TMPRSS13: variants seen among roughly 807,000 people sequenced by gnomAD.
The protein encoded by TMPRSS13 is transmembrane serine protease 13, also known as transmembrane protease serine 13.
Under a neutral mutation model 68.4 loss-of-function variants are expected in TMPRSS13, and 50 were observed. The observed-to-expected ratio is 0.73, with a 90% confidence interval of 0.58 to 0.93. The LOEUF is 0.93. TMPRSS13 is among the 40% of genes least tolerant of loss of function. TMPRSS13 has a pLI of 0.00. For synonymous variants in TMPRSS13, 267 were observed against 285.8 expected, an observed-to-expected ratio of 0.93 and a Z score of 0.66; for missense variants, 615 against 729.2, an observed-to-expected ratio of 0.84 and a Z score of 1.80.
chr11:117,909,468 A>G (rs2057497716), intron 8 of TMPRSS13, among the ~76,000 whole-genome samples: 1 of 152,200 alleles, frequency 6.6e-6, no homozygotes, highest in African/African-American at 2.4e-5. Context: ...CTCCTCTGCT[A>G]TGAGTTCCAT....
Position 117,914,375 on chromosome 11 carries a change from G to T in TMPRSS13, c.679+17C>A. 6.2e-7 allele frequency: 1 copy of T among 1,612,360 alleles called. No homozygotes were observed. Reference sequence around the variant, plus strand: ...CACATGCACACGCACGCGCTCCCCCGCACCCAGCCTCCTTACCGCAGCCCA... The same window carrying T: ...CACATGCACACGCACGCGCTCCCCCTCACCCAGCCTCCTTACCGCAGCCCA... On this transcript the variant is annotated intron_variant, in intron 4 of 12. Coordinates refer to ENST00000524993, the MANE Select transcript of TMPRSS13 (RefSeq NM_001077263.3). This position sits in a 1 kb window ranked among gnomAD's most constrained non-coding sequence, Gnocchi z 4.2.
At chr11:117,908,529 G>C (rs1277002980) in intron 9 of TMPRSS13, 83 bp downstream of exon 9, 6 of 1,477,290 alleles carry the variant, frequency 4.1e-6, no homozygotes, top group Non-Finnish European at 5.5e-6. Flanking sequence ...CCGGATATGA[G>C]TTGACAGATG....
At chr11:117,911,400 C>T (rs141265817) in intron 6 of TMPRSS13, among the ~76,000 whole-genome samples, 1 of 152,244 alleles carries the variant, frequency 6.6e-6, no homozygotes, top group East Asian at 1.9e-4. Context: ...TGCAAAGTGT[C>T]ATGCCAGGGT....
At chr11:117,909,050 C>A (rs534216232) in intron 8 of TMPRSS13, among the ~76,000 whole-genome samples, 15 of 152,254 alleles carry the variant, frequency 9.9e-5, no homozygotes, top group South Asian at 4.1e-4. Context: ...ACTCCCCCCC[C>A]ACTATCTCCT....
intron 2 of TMPRSS13, 80 bp from the exon 3 acceptor site, chr11:117,917,354 G>A (rs545981359): frequency 1.7e-6 from 2 of 1,186,022 alleles, no homozygotes; most frequent in Admixed American, 2.0e-5. Flanking sequence ...AAACAAGACT[G>A]TGGCCCAGGA....
chr11:117,902,491 C>T (rs2057417462), intron 12 of TMPRSS13, among the ~76,000 whole-genome samples: 1 of 152,222 alleles, frequency 6.6e-6, no homozygotes, highest in South Asian at 2.1e-4. Context: ...TCCCCTGTTC[C>T]CCAGGCAGAG....
intron 1 of TMPRSS13, among the ~76,000 whole-genome samples, chr11:117,927,641 G>C (rs1010097777): frequency 2.0e-5 from 3 of 152,158 alleles, no homozygotes; most frequent in Non-Finnish European, 4.4e-5. Context: ...CCCTCAAGGA[G>C]AAGGCACAAG....
chr11:117,920,023 C>T (rs751435195), intron 1 of TMPRSS13, among the ~76,000 whole-genome samples: 13 of 152,210 alleles, frequency 8.5e-5, no homozygotes, highest in Non-Finnish European at 1.5e-4. Flanking sequence ...TCTTGTGATA[C>T]TTTCCAGTGT....
Position 117,917,265 on chromosome 11 carries a change from A to C in TMPRSS13, c.461T>G (p.Leu154Arg). Residue 154 changes from leucine to arginine, a missense_variant, in exon 3 of 13, where the codon CTG (leucine) becomes CGG (arginine). Leu to Arg is a moderately radical substitution (Grantham distance 102). Coordinates refer to ENST00000524993, the MANE Select transcript of TMPRSS13 (RefSeq NM_001077263.3). Reference sequence around the variant, plus strand: ...GCCCTCCCGCCAGGTGAACTTGGGCAGGCTCGTACCTAGGAGCAGGGCGGC... The same window carrying C: ...GCCCTCCCGCCAGGTGAACTTGGGCCGGCTCGTACCTAGGAGCAGGGCGGC... ...RATRESPGTSLPKFTWREGQK... is the reference protein window; with the variant it reads ...RATRESPGTSRPKFTWREGQK... 2 of 1,612,132 alleles carry C rather than the reference A, an allele frequency of 1.2e-6. No individual in the cohort carries two copies. The highest frequency in any genetic ancestry group is 1.7e-6 in the Non-Finnish European group (2 of 1,179,896).
intron 1 of TMPRSS13, among the ~76,000 whole-genome samples, chr11:117,928,912 CA>C (rs2057732700): frequency 6.6e-6 from 1 of 152,122 alleles, no homozygotes; most frequent in Non-Finnish European, 1.5e-5. Context: ...TTTGATTTTC[CA>C]ACCAGCAAAA....
chr11:117,921,480 A>G (rs4938456), intron 1 of TMPRSS13, among the ~76,000 whole-genome samples: 150,287 of 152,304 alleles, frequency 0.99, 74,174 homozygotes, highest in East Asian at 1. Flanking sequence ...ACCTGAACAG[A>G]ACCCTCCCAT....
chr11:117,914,085 C>T lies in TMPRSS13; in HGVS notation c.680-179G>A, dbSNP rs1207294347. ...GGGGGTTAACCAGTACTCAGAAGCC[C>T]AGGATGCCTAGCATGGACAGAGCCA... is the stretch of plus-strand genomic sequence containing the variant. On this transcript the variant is annotated intron_variant, in intron 4 of 12. Transcript: ENST00000524993. This position sits in a 1 kb window ranked among gnomAD's most constrained non-coding sequence, Gnocchi z 4.2. Among the ~76,000 whole-genome samples the T allele has an allele frequency of 6.6e-6, 1 of 152,114 alleles. No individual in the cohort carries two copies. The highest frequency in any genetic ancestry group is 1.5e-5 in the Non-Finnish European group (1 of 68,018).
In TMPRSS13 at chr11:117,915,183, G is replaced by A. The variant is rs2057564489; in HGVS notation, c.557-669C>T. The stretch of plus-strand genomic sequence containing the variant: ...GGGCTAAAAGAAAACAGCTTTACAA[G>A]CCATATGTGCAAATCTGCTTCACGA... On this transcript the variant is annotated intron_variant, in intron 3 of 12. Transcript: ENST00000524993. The surrounding 1 kb of genome is among the most constrained non-coding windows in gnomAD (Gnocchi z 4.9). Among the ~76,000 whole-genome samples, 1 of 152,168 alleles carries A rather than the reference G, an allele frequency of 6.6e-6. No individual in the cohort carries two copies. The highest frequency in any genetic ancestry group is 6.5e-5 in the Admixed American group (1 of 15,280).
In TMPRSS13 at chr11:117,904,861, TTATATATATATA is replaced by T. The variant is rs58001868; in HGVS notation, c.1381+765_1382-761del. Among the ~76,000 whole-genome samples, 335 of 100,712 alleles carry T rather than the reference TTATATATATATA, an allele frequency of 3.3e-3. 9 individuals carry two copies. The highest frequency in any genetic ancestry group is 7.5e-3 in the South Asian group (23 of 3,080). 66.1% of individuals were successfully genotyped at this position (100,712 alleles called of 152,430 possible). On this transcript the variant is annotated intron_variant, in intron 10 of 12. Coordinates refer to ENST00000524993, the MANE Select transcript of TMPRSS13 (RefSeq NM_001077263.3). The stretch of plus-strand genomic sequence containing the variant: ...TACCACTTAGAGCTCCTAGATAAGA[TTATATATATATA>T]TATATATATATATATATATATATAT...
In TMPRSS13 at chr11:117,914,464, T is replaced by C; in HGVS notation, c.607A>G (p.Ser203Gly). 2 of 1,613,924 alleles carry C rather than the reference T, an allele frequency of 1.2e-6. No individual in the cohort carries two copies. The highest frequency in any genetic ancestry group is 2.7e-5 in the African/African-American group (2 of 74,966). Residue 203 changes from serine (S) to glycine (G), a missense_variant, in exon 4 of 13, where the codon AGC (serine) becomes GGC (glycine). Ser to Gly is a moderately conservative substitution (Grantham distance 56, BLOSUM62 0). Coordinates refer to ENST00000524993, the MANE Select transcript of TMPRSS13 (RefSeq NM_001077263.3). The surrounding 1 kb of genome is among the most constrained non-coding windows in gnomAD (Gnocchi z 4.2). The part of the protein sequence containing the change: ...TGIRYKEQRE[S>G]CPKHAVRCDG... ...CAGCGAACAGCGTGCTTGGGACAGC[T>C]CTCCCTCTGCTCCTTGTACCTGATC...
At chr11:117,908,269 T>A (rs2057483374) in intron 9 of TMPRSS13, 1 of 535,514 alleles carries the variant, frequency 1.9e-6, no homozygotes, top group African/African-American at 1.9e-5. Context: ...AATGAAATCA[T>A]ATGTGTGAAA....
intron 9 of TMPRSS13, among the ~76,000 whole-genome samples, chr11:117,906,215 G>A (rs1463584076): frequency 6.6e-6 from 1 of 152,240 alleles, no homozygotes; most frequent in Admixed American, 6.5e-5. Context: ...CAGAGCCTGT[G>A]GCTCTCCTTT....
At chr11:117,926,351 C>T (rs934343568) in intron 1 of TMPRSS13, among the ~76,000 whole-genome samples, 13 of 152,182 alleles carry the variant, frequency 8.5e-5, no homozygotes, top group South Asian at 2.1e-4. Context: ...GGCTGGGACA[C>T]GGCATGGCAG....
chr11:117,918,510 G>T lies in TMPRSS13; in HGVS notation c.350C>A (p.Thr117Asn). 6.2e-7 allele frequency: 1 copy of T among 1,614,210 alleles called. No homozygotes were observed. The highest frequency in any genetic ancestry group is 8.5e-7 in the Non-Finnish European group (1 of 1,180,028). The change falls in exon 2 of 13, where the codon ACC (threonine) becomes AAC (asparagine). Residue 117 changes from threonine to asparagine, a missense_variant. By Grantham distance (65) the Thr-to-Asn change is moderately conservative. Coordinates refer to ENST00000524993, the MANE Select transcript of TMPRSS13 (RefSeq NM_001077263.3). ...TGTTGCTCTAACAAGGTACACTCTG[G>T]TTGGGGAGGTTGTCACCGAGGCTGA... ...ARSASVTTSP[T>N]RVYLVRATPV...
Sources: allele counts gnomAD v4.1 joint callset (sites outside exome capture counted in the v4.1 genomes callset), GRCh38; gene constraint gnomAD v4.1.1; non-coding constraint Gnocchi (gnomAD v3.1); transcripts MANE v1.5; gene names NCBI Gene and HGNC (gene_info 2026-07-23, HGNC 2026-07-21).